PALS1: variants seen among roughly 807,000 people sequenced by gnomAD.
The protein encoded by PALS1 is protein associated with LIN7 1, MAGUK p55 family member.
A neutral mutation model predicts 78.9 loss-of-function variants in PALS1; 31 were observed. The observed-to-expected ratio is 0.39, with a 90% CI of 0.30 to 0.53. The LOEUF (loss-of-function observed/expected upper bound fraction) is 0.53, where lower values mean the gene tolerates loss of function less well. Ranked by LOEUF, PALS1 falls within the 20% of genes least tolerant of loss-of-function variation. The probability of loss-of-function intolerance (pLI) is 0.67; values close to 1 mark genes in which losing one functional copy is unlikely to be tolerated. For missense variants in PALS1, 704 were observed against 826.5 expected (o/e 0.85, Z 1.82); for synonymous variants, 276 against 270.9 (o/e 1.02, Z -0.18).
At chr14:67,330,917 GC>G (rs1446568392) in intron 14 of PALS1, among the ~76,000 whole-genome samples, 1 of 152,120 alleles carries the variant, frequency 6.6e-6, no homozygotes, top group Non-Finnish European at 1.5e-5. Context: ...TTATTTTATG[GC>G]CCAACATCTG....
intron 1 of PALS1, among the ~76,000 whole-genome samples, chr14:67,253,634 C>T (rs1342443603): frequency 6.6e-6 from 1 of 152,030 alleles, no homozygotes; most frequent in Non-Finnish European, 1.5e-5. Flanking sequence ...TGCTTGAGCC[C>T]AGGAGTTCCA....
chr14:67,332,517 A>C (rs1378476398), intron 14 of PALS1, among the ~76,000 whole-genome samples: 1 of 152,164 alleles, frequency 6.6e-6, no homozygotes, highest in Non-Finnish European at 1.5e-5. Flanking sequence ...TGTTGGTGAG[A>C]TAAGACAAAA....
At chr14:67,319,397 T>C (rs2085228470) in intron 11 of PALS1, among the ~76,000 whole-genome samples, 1 of 152,208 alleles carries the variant, frequency 6.6e-6, no homozygotes, top group Non-Finnish European at 1.5e-5. Flanking sequence ...TGTCATAATT[T>C]ATACCTCATT....
rs148115569 is a variant in PALS1 at position 67,326,121 on chromosome 14, G to A, written c.1851+2309G>A. ...ATTACAGGCGTGAGCCACCGTGCCC[G>A]GCCAGCATCTTTCTTTTGGTTGGTC... On this transcript the variant is annotated intron_variant, in intron 14 of 14. Transcript: ENST00000261681. Among the ~76,000 whole-genome samples the A allele has an allele frequency of 4.4e-3, 661 of 149,620 alleles. 6 individuals carry two copies. Among genetic ancestry groups the A allele is most frequent in the African/African-American group, 0.015 (629 of 40,760 alleles).
chr14:67,301,475 T>C lies in PALS1; in HGVS notation c.654+9T>C. ...ATACTCCACATATTCAGGTAGAAAA[T>C]GGACAGAATACTATATATGTGGTTT... On this transcript the variant is annotated intron_variant, in intron 5 of 14. Transcript: ENST00000261681. 6.3e-7 allele frequency: 1 copy of C among 1,595,848 alleles called. No homozygotes were observed. The highest frequency in any genetic ancestry group is 8.6e-7 in the Non-Finnish European group (1 of 1,165,638).
At chr14:67,299,717 G>C (rs538392643) in intron 4 of PALS1, among the ~76,000 whole-genome samples, 1 of 152,158 alleles carries the variant, frequency 6.6e-6, no homozygotes, top group African/African-American at 2.4e-5. Context: ...TAGGGCAGTG[G>C]GTAAACACGG....
At chr14:67,332,672 GAA>G in intron 14 of PALS1, 106 bp from the exon 15 acceptor site, 1 of 1,062,966 alleles carries the variant, frequency 9.4e-7, no homozygotes, top group Non-Finnish European at 1.3e-6. Context: ...GGGAGAGACA[GAA>G]GGAAAGCTAT....
intron 3 of PALS1, among the ~76,000 whole-genome samples, chr14:67,289,767 TCC>T (rs371090464): frequency 4.7e-5 from 6 of 127,118 alleles, no homozygotes; most frequent in East Asian, 4.8e-4. Context: ...TTTTTCCATG[TCC>T]TTTTTTTTTT....
At chr14:67,292,847 T>C in intron 4 of PALS1, 128 bp downstream of exon 4, 3 of 703,956 alleles carry the variant, frequency 4.3e-6, no homozygotes. Flanking sequence ...TACATGTTAA[T>C]AATGTATTGT....
chr14:67,250,015 A>G (rs898742680), intron 1 of PALS1, among the ~76,000 whole-genome samples: 3 of 152,206 alleles, frequency 2.0e-5, no homozygotes, highest in South Asian at 2.1e-4. Context: ...CTGAGTTTCT[A>G]TCAAGATAAA....
At chr14:67,247,184 A>G (rs1160357908) in intron 1 of PALS1, among the ~76,000 whole-genome samples, 2 of 152,150 alleles carry the variant, frequency 1.3e-5, no homozygotes, top group East Asian at 1.9e-4. Flanking sequence ...TGAACATGCT[A>G]TTTCTTTCCA....
At position 67,279,066 on chromosome 14, in the gene PALS1, G is replaced by GT. The variant is rs541930882; in HGVS notation, c.-94dup. ...ATAGCATTATTATGTGATGTGAGAAGTTTTTTTTTTTGAAGTAACATGGAT... is the reference window on the plus strand; with the variant it reads ...ATAGCATTATTATGTGATGTGAGAAGTTTTTTTTTTTTGAAGTAACATGGAT... On this transcript the variant is annotated 5_prime_UTR_variant, in exon 3 of 15. Coordinates refer to ENST00000261681, the MANE Select transcript of PALS1 (RefSeq NM_022474.4). 50,434 of 891,132 alleles carry GT rather than the reference G, an allele frequency of 0.057. No individual in the cohort carries two copies. Among genetic ancestry groups the GT allele is most frequent in the South Asian group, 0.067 (2,679 of 40,160 alleles). The allele number at this position is 891,132 out of a possible 1,614,324, so 55.2% of individuals were successfully genotyped here. A position where few individuals can be genotyped will look rare whatever the true frequency, so the allele number is the denominator to read the frequency against.
At position 67,279,331 on chromosome 14, in the gene PALS1, C is replaced by T; in HGVS notation, c.161C>T (p.Ala54Val). The T allele has an allele frequency of 1.2e-6, 2 of 1,613,584 alleles. No homozygotes were observed. The highest frequency in any genetic ancestry group is 1.7e-6 in the Non-Finnish European group (2 of 1,179,924). ...AGGATGATGCCAATACGTCGAAGTGCACAGTTGGAGCGTATTCGGCAACAA... is the reference window on the plus strand; with the variant it reads ...AGGATGATGCCAATACGTCGAAGTGTACAGTTGGAGCGTATTCGGCAACAA... ...GTRMMPIRRS[A>V]QLERIRQQQE... Residue 54 changes from alanine to valine, a missense_variant, in exon 3 of 15, where the codon GCA (alanine) becomes GTA (valine). Transcript: ENST00000261681.
rs1179956517 is a variant in PALS1, at chr14:67,302,041, G to A, written c.724G>A (p.Val242Ile). The change falls in exon 6 of 15, where the codon GTT becomes ATT. Residue 242 changes from valine (V) to isoleucine (I), a missense_variant. Val to Ile is a conservative substitution (Grantham distance 29, BLOSUM62 3). Coordinates refer to ENST00000261681, the MANE Select transcript of PALS1 (RefSeq NM_022474.4). Reference protein sequence around the residue: ...MQLEPITDERVYESIGQYGGE... With the variant: ...MQLEPITDERIYESIGQYGGE... The stretch of plus-strand genomic sequence containing the variant: ...GCTAGAGCCCATTACAGATGAGAGA[G>A]TTTATGAAAGTATTGGCCAGTATGG... The A allele has an allele frequency of 1.2e-6, 2 of 1,610,464 alleles. No homozygotes were observed. The highest frequency in any genetic ancestry group is 2.7e-5 in the African/African-American group (2 of 74,582).
intron 4 of PALS1, among the ~76,000 whole-genome samples, chr14:67,300,295 T>C (rs1196907697): frequency 6.6e-6 from 1 of 151,608 alleles, no homozygotes; most frequent in Non-Finnish European, 1.5e-5. Flanking sequence ...AAAATAGCCA[T>C]AAAAGGTATA....
chr14:67,299,456 A>G (rs544164879), intron 4 of PALS1, among the ~76,000 whole-genome samples: 2 of 152,292 alleles, frequency 1.3e-5, no homozygotes, highest in African/African-American at 4.8e-5. Flanking sequence ...CATCATTTTT[A>G]TAATTAAAAA....
chr14:67,298,568 G>T (rs748527166), intron 4 of PALS1, among the ~76,000 whole-genome samples: 1 of 151,476 alleles, frequency 6.6e-6, no homozygotes, highest in Non-Finnish European at 1.5e-5. Context: ...ATCTCATTTT[G>T]GTAAAAATAA....
rs1567517619 is a variant in PALS1 at position 67,279,599 on chromosome 14, G to A, written c.367+62G>A. On this transcript the variant is annotated intron_variant, in intron 3 of 14. Transcript: ENST00000261681. ...CTTTAATTTATCTGTGCCTTATAAT[G>A]TATATGAGAAGGAAGAGGGTTTAAG... The A allele has an allele frequency of 2.8e-6, 4 of 1,416,234 alleles. No homozygotes were observed. In the Admixed American group the frequency reaches 7.5e-5, roughly 27 times the overall value. 87.7% of individuals were successfully genotyped at this position (1,416,234 alleles called of 1,614,324 possible). A position where few individuals can be genotyped will look rare whatever the true frequency, so the allele number is the denominator to read the frequency against.
At chr14:67,249,063 A>G (rs2084026705) in intron 1 of PALS1, among the ~76,000 whole-genome samples, 1 of 151,998 alleles carries the variant, frequency 6.6e-6, no homozygotes, top group South Asian at 2.1e-4. Context: ...CCCGGGTTCA[A>G]GTTATTTTCC....
Sources: gnomAD v4.1 joint callset for allele counts (sites outside exome capture counted in the v4.1 genomes callset) on GRCh38, gnomAD v4.1.1 for gene constraint, MANE v1.5 for transcripts, NCBI Gene and HGNC (gene_info 2026-07-23, HGNC 2026-07-21) for gene names.